The following STXBP5L variants were observed in gnomAD, a reference collection of about 807,000 sequenced individuals.
The protein encoded by STXBP5L is syntaxin-binding protein 5-like.
Under a neutral mutation model 144.5 loss-of-function variants are expected in STXBP5L, and 65 were observed. The ratio of observed to expected loss-of-function variants is 0.45; its 90% confidence interval spans 0.37 to 0.55. The LOEUF (loss-of-function observed/expected upper bound fraction) is 0.55, where lower values mean the gene tolerates loss of function less well. Ranked by LOEUF, STXBP5L falls within the 20% of genes least tolerant of loss-of-function variation. STXBP5L has a pLI of 0.00. For synonymous variants in STXBP5L, 505 were observed against 469.6 expected (o/e 1.08, Z -0.97); for missense variants, 1,298 against 1,405.5 (o/e 0.92, Z 1.22).
At chr3:120,992,339 AAAC>A (rs748400697) in intron 3 of STXBP5L, among the ~76,000 whole-genome samples, 1 of 152,084 alleles carries the variant, frequency 6.6e-6, no homozygotes, top group Non-Finnish European at 1.5e-5. Context: ...TTGAAATATA[AAAC>A]AACATTGTTT....
At chr3:121,157,287 G>A (rs994080296) in intron 8 of STXBP5L, among the ~76,000 whole-genome samples, 1 of 152,046 alleles carries the variant, frequency 6.6e-6, no homozygotes, top group African/African-American at 2.4e-5. Context: ...TCAGATGGTA[G>A]CTCTTACTTA....
intron 20 of STXBP5L, among the ~76,000 whole-genome samples, chr3:121,353,703 G>C (rs923046196): frequency 1.3e-5 from 2 of 152,086 alleles, no homozygotes; most frequent in Non-Finnish European, 2.9e-5. Flanking sequence ...TCTGATCTTA[G>C]TTATTTCCTG....
At chr3:121,012,412 T>C (rs1559999338) in intron 3 of STXBP5L, among the ~76,000 whole-genome samples, 2 of 151,844 alleles carry the variant, frequency 1.3e-5, no homozygotes, top group African/African-American at 4.8e-5. Flanking sequence ...AAAGGTTGCA[T>C]GGTTTCACAT....
intron 5 of STXBP5L, among the ~76,000 whole-genome samples, chr3:121,096,952 C>T (rs1394801067): frequency 2.6e-5 from 4 of 152,308 alleles, no homozygotes; most frequent in Non-Finnish European, 2.9e-5. Flanking sequence ...ACAGCAGCCC[C>T]TTCCCCGAGG....
chr3:121,219,294 T>C (rs2048901934), intron 10 of STXBP5L, among the ~76,000 whole-genome samples: 2 of 152,072 alleles, frequency 1.3e-5, no homozygotes, highest in Non-Finnish European at 2.9e-5. Flanking sequence ...ATATCCCTGC[T>C]CCAACTATTA....
chr3:121,065,762 G>A (rs139953112), intron 5 of STXBP5L, among the ~76,000 whole-genome samples: 180 of 152,116 alleles, frequency 1.2e-3, no homozygotes, highest in African/African-American at 4.2e-3. Flanking sequence ...CTTTTTTGTT[G>A]CAGGGTCTCA....
intron 20 of STXBP5L, among the ~76,000 whole-genome samples, chr3:121,341,013 T>A (rs1323032947): frequency 6.6e-6 from 1 of 151,858 alleles, no homozygotes; most frequent in Non-Finnish European, 1.5e-5. Flanking sequence ...AAAAATGGGA[T>A]TACATCAAGC....
chr3:121,205,935 G>C lies in STXBP5L; in HGVS notation c.890G>C (p.Arg297Thr). Residue 297 changes from arginine (R) to threonine (T), a missense_variant, in exon 10 of 27, where the codon AGA becomes ACA. By Grantham distance (71) the Arg-to-Thr change is moderately conservative. Transcript: ENST00000471454. ...QTTIPHGKSQ[R>T]EGRKSESCKP... The stretch of plus-strand genomic sequence containing the variant: ...TTTTTTTCTTTAGGAAAAAGTCAAA[G>C]AGAAGGAAGAAAATCTGAATCTTGT... 1 of 1,503,440 alleles carries C rather than the reference G, an allele frequency of 6.7e-7. No homozygotes were observed. Among genetic ancestry groups the C allele is most frequent in the Non-Finnish European group, 8.9e-7 (1 of 1,126,006 alleles). 93.1% of individuals were successfully genotyped at this position (1,503,440 alleles called of 1,614,324 possible).
intron 5 of STXBP5L, among the ~76,000 whole-genome samples, chr3:121,112,748 T>C (rs906354241): frequency 1.3e-5 from 2 of 152,176 alleles, no homozygotes; most frequent in African/African-American, 4.8e-5. Context: ...AAGATTATTT[T>C]TCCAAGGCTT....
intron 22 of STXBP5L, among the ~76,000 whole-genome samples, chr3:121,386,175 C>A (rs182309476): frequency 1.1e-3 from 167 of 152,180 alleles, no homozygotes; most frequent in African/African-American, 3.9e-3. Context: ...ATAAAGGCCT[C>A]ATACACAATA....
chr3:121,087,876 A>G (rs567464587), intron 5 of STXBP5L, among the ~76,000 whole-genome samples: 83 of 152,246 alleles, frequency 5.5e-4, no homozygotes, highest in Admixed American at 2.6e-3. Flanking sequence ...ATTATATACA[A>G]ACAACTTACT....
At chr3:121,003,856 T>C (rs1193698974) in intron 3 of STXBP5L, among the ~76,000 whole-genome samples, 1 of 152,176 alleles carries the variant, frequency 6.6e-6, no homozygotes, top group Non-Finnish European at 1.5e-5. Flanking sequence ...AAAGATCAGA[T>C]GGTTGAAGAT....
intron 9 of STXBP5L, among the ~76,000 whole-genome samples, chr3:121,170,298 G>T (rs1456511783): frequency 6.6e-6 from 1 of 152,036 alleles, no homozygotes; most frequent in Non-Finnish European, 1.5e-5. Context: ...AGAGAAGCAA[G>T]AGGAAACATA....
At chr3:121,235,270 A>G (rs577386733) in intron 12 of STXBP5L, among the ~76,000 whole-genome samples, 1 of 152,154 alleles carries the variant, frequency 6.6e-6, no homozygotes, top group Admixed American at 6.5e-5. Context: ...CCTCTCAGCT[A>G]TACTGAATGT....
chr3:121,371,859 C>T (rs921831687), intron 20 of STXBP5L, among the ~76,000 whole-genome samples: 2 of 152,174 alleles, frequency 1.3e-5, no homozygotes, highest in African/African-American at 2.4e-5. Flanking sequence ...CCAGTGGGCT[C>T]CTTGACTGCC....
At chr3:121,114,874 C>A in intron 5 of STXBP5L, 51 bp from the exon 6 acceptor site, 7 of 1,299,318 alleles carry the variant, frequency 5.4e-6, no homozygotes, top group Non-Finnish European at 7.2e-6. Flanking sequence ...AAATATAATG[C>A]TGACCAAATG....
intron 19 of STXBP5L, among the ~76,000 whole-genome samples, chr3:121,314,587 GGGAGA>G (rs1315757507): frequency 1.6e-3 from 1 of 636 alleles, no homozygotes; most frequent in Non-Finnish European, 0.05. Flanking sequence ...AGACCGTGGA[GGGAGA>G]GGGAGAGGGA....
chr3:120,997,516 G>T (rs1318500079), intron 3 of STXBP5L, among the ~76,000 whole-genome samples: 1 of 152,076 alleles, frequency 6.6e-6, no homozygotes, highest in Admixed American at 6.6e-5. Context: ...TGATTTTAAT[G>T]TGCATTTCTC....
intron 5 of STXBP5L, among the ~76,000 whole-genome samples, chr3:121,065,697 A>G (rs375351876): frequency 2.4e-4 from 37 of 152,172 alleles, no homozygotes; most frequent in African/African-American, 8.9e-4. Context: ...AACTACAGGC[A>G]TGTGCCACCA....
Sources: gnomAD v4.1 joint callset for allele counts (sites outside exome capture counted in the v4.1 genomes callset) on GRCh38, gnomAD v4.1.1 for gene constraint, MANE v1.5 for transcripts, NCBI Gene and HGNC (gene_info 2026-07-23, HGNC 2026-07-21) for gene names.